Variants in HTT observed in about 807,000 individuals in gnomAD.
HTT encodes huntington disease protein.
Under a neutral mutation model 362.3 loss-of-function variants are expected in HTT, and 104 were observed. The ratio of observed to expected loss-of-function variants is 0.29; its 90% confidence interval spans 0.24 to 0.34. The LOEUF is 0.34. Ranked by LOEUF, HTT falls within the 10% of genes least tolerant of loss-of-function variation. The probability of loss-of-function intolerance (pLI) is 1.00; values close to 1 mark genes in which losing one functional copy is unlikely to be tolerated. For synonymous variants in HTT, 1,577 were observed against 1,548.7 expected (o/e 1.02, Z -0.43); for missense variants, 3,301 against 3,928.6 (o/e 0.84, Z 4.27).
chr4:3,140,742 A>G, intron 22 of HTT, 86 bp downstream of exon 22: 1 of 1,328,994 alleles, frequency 7.5e-7, no homozygotes, highest in South Asian at 1.4e-5. Flanking sequence ...AAAACATTTT[A>G]TTTTCTAGAA....
chr4:3,178,552 C>A (rs986792335), intron 35 of HTT, 106 bp downstream of exon 35: 7 of 954,258 alleles, frequency 7.3e-6, no homozygotes, highest in Non-Finnish European at 1.1e-5. Context: ...CCATGTGCTT[C>A]TCAGGCTCTG....
At chr4:3,170,296 A>C (rs1717910754) in intron 29 of HTT, among the ~76,000 whole-genome samples, 1 of 149,646 alleles carries the variant, frequency 6.7e-6, no homozygotes, top group Non-Finnish European at 1.5e-5. Flanking sequence ...TTTAGGACTA[A>C]TTTTTTTTTT....
intron 1 of HTT, among the ~76,000 whole-genome samples, chr4:3,084,130 A>G (rs1321728835): frequency 6.6e-6 from 1 of 151,916 alleles, no homozygotes; most frequent in Non-Finnish European, 1.5e-5. Context: ...GAGGAGAGAA[A>G]AGAGAGGGAG....
At chr4:3,114,783 T>A (rs1714938316) in intron 6 of HTT, among the ~76,000 whole-genome samples, 1 of 152,224 alleles carries the variant, frequency 6.6e-6, no homozygotes, top group African/African-American at 2.4e-5. Flanking sequence ...TAGAGGCCCA[T>A]GAGAAAGTAT....
intron 54 of HTT, 142 bp downstream of exon 54, chr4:3,222,629 G>A: frequency 3.1e-6 from 2 of 642,244 alleles, no homozygotes; most frequent in Non-Finnish European, 2.7e-6. Context: ...ATGGTGTCTT[G>A]ACTGATATTC....
intron 47 of HTT, among the ~76,000 whole-genome samples, chr4:3,210,440 A>G (rs1187607603): frequency 1.3e-5 from 2 of 152,176 alleles, no homozygotes; most frequent in African/African-American, 4.8e-5. Context: ...TTAGTCGTAA[A>G]AGAGACCCTT....
In HTT at chr4:3,127,559, C is replaced by G; in HGVS notation, c.1698C>G (p.Thr566=). 6.2e-7 allele frequency: 1 copy of G among 1,614,078 alleles called. No individual in the cohort carries two copies. Among genetic ancestry groups the G allele is most frequent in the Non-Finnish European group, 8.5e-7 (1 of 1,179,922 alleles). ...TCAGCGACAGCTCCCAGACCACCAC[C>G]GAAGGGCCTGATTCAGCTGTTACCC... ...SPISDSSQTT[T]EGPDSAVTPS... The change falls in exon 12 of 67, where the codon ACC becomes ACG. Residue 566 remains threonine, a synonymous_variant. Transcript: ENST00000355072.
Position 3,194,215 on chromosome 4 carries a change from AC to A in HTT, c.5368+5124del, listed in dbSNP as rs567890532. On this transcript the variant is annotated intron_variant, in intron 40 of 66. Coordinates refer to ENST00000355072, the MANE Select transcript of HTT (RefSeq NM_001388492.1). The stretch of plus-strand genomic sequence containing the variant: ...CAGGCGTGGGTACTTCTTAAATAAT[AC>A]CTGGTTCAGGAACTAGTCAGAATGG... Among the ~76,000 whole-genome samples, 258 of 152,304 alleles carry A rather than the reference AC, an allele frequency of 1.7e-3. 2 individuals carry two copies. The highest frequency in any genetic ancestry group is 2.9e-3 in the Admixed American group (45 of 15,302).
At chr4:3,125,843 C>T (rs1056502887) in intron 11 of HTT, among the ~76,000 whole-genome samples, 6 of 152,116 alleles carry the variant, frequency 3.9e-5, no homozygotes, top group Non-Finnish European at 7.3e-5. Flanking sequence ...TGTTGTTTTC[C>T]ATGGTTTAGG....
intron 19 of HTT, among the ~76,000 whole-genome samples, chr4:3,135,330 A>G (rs1238842083): frequency 6.6e-6 from 1 of 152,016 alleles, no homozygotes; most frequent in Non-Finnish European, 1.5e-5. Flanking sequence ...CTCAAAAAAA[A>G]AAAAATAACA....
intron 40 of HTT, among the ~76,000 whole-genome samples, chr4:3,189,987 G>A (rs989303487): frequency 2.0e-5 from 3 of 152,120 alleles, no homozygotes; most frequent in Admixed American, 1.3e-4. Flanking sequence ...CTGCACTCCA[G>A]CCTCGGCTAT....
At chr4:3,205,255 A>G (rs1217572280) in intron 42 of HTT, among the ~76,000 whole-genome samples, 1 of 152,142 alleles carries the variant, frequency 6.6e-6, no homozygotes, top group Non-Finnish European at 1.5e-5. Context: ...CTATATTTAT[A>G]TTAAAAATAT....
intron 29 of HTT, among the ~76,000 whole-genome samples, chr4:3,168,651 T>C (rs964580033): frequency 1.1e-4 from 17 of 152,342 alleles, no homozygotes; most frequent in Admixed American, 7.2e-4. Context: ...CTCCTTACTG[T>C]TCCATTTTAT....
At chr4:3,172,103 C>A (rs894299295) in intron 29 of HTT, among the ~76,000 whole-genome samples, 2 of 152,166 alleles carry the variant, frequency 1.3e-5, no homozygotes, top group African/African-American at 4.8e-5. Flanking sequence ...TGAACAGATA[C>A]ATAAATGCAT....
chr4:3,232,281 C>G (rs1721293276), intron 60 of HTT, among the ~76,000 whole-genome samples: 1 of 152,164 alleles, frequency 6.6e-6, no homozygotes, highest in South Asian at 2.1e-4. Flanking sequence ...GCCATTTCCC[C>G]TGCGGAGAGG....
chr4:3,221,040 G>A (rs1445645082), intron 53 of HTT, among the ~76,000 whole-genome samples: 1 of 152,142 alleles, frequency 6.6e-6, no homozygotes, highest in Non-Finnish European at 1.5e-5. Flanking sequence ...GTGATCTTGT[G>A]GTGGGACTGT....
intron 49 of HTT, 65 bp from the exon 50 acceptor site, chr4:3,213,893 T>G: frequency 7.1e-7 from 1 of 1,405,876 alleles, no homozygotes; most frequent in East Asian, 2.6e-5. Flanking sequence ...ACAACTGTGA[T>G]TCACACGGCT....
intron 36 of HTT, among the ~76,000 whole-genome samples, chr4:3,181,391 A>T (rs1291287065): frequency 6.6e-6 from 1 of 152,182 alleles, no homozygotes; most frequent in Non-Finnish European, 1.5e-5. Context: ...ATTTACCACT[A>T]TTTTGACATA....
intron 8 of HTT, among the ~76,000 whole-genome samples, chr4:3,120,705 G>A (rs756026879): frequency 1.1e-4 from 16 of 152,206 alleles, no homozygotes; most frequent in Non-Finnish European, 1.9e-4. Context: ...GAACAGTCTC[G>A]TCTTGAAACC....
Sources: gnomAD v4.1 joint callset for allele counts (sites outside exome capture counted in the v4.1 genomes callset) on GRCh38, gnomAD v4.1.1 for gene constraint, MANE v1.5 for transcripts, NCBI Gene and HGNC (gene_info 2026-07-23, HGNC 2026-07-21) for gene names.